GALNTL6: variants seen among roughly 807,000 people sequenced by gnomAD.
GALNTL6 encodes the protein polypeptide N-acetylgalactosaminyltransferase like 6.
A neutral mutation model predicts 73.7 loss-of-function variants in GALNTL6; 46 were observed. That is an observed-to-expected ratio of 0.62 (90% CI 0.49 to 0.80). GALNTL6 has a LOEUF of 0.80. Among genes scored for constraint, GALNTL6 ranks in the 30% least tolerant of loss-of-function variants. GALNTL6 has a pLI of 0.00. For synonymous variants in GALNTL6, 259 were observed against 263.7 expected (o/e 0.98, Z 0.17); for missense variants, 604 against 755.0 (o/e 0.80, Z 2.34).
chr4:172,591,412 G>A (rs999088532), intron 5 of GALNTL6, among the ~76,000 whole-genome samples: 20 of 105,558 alleles, frequency 1.9e-4, no homozygotes, highest in African/African-American at 2.9e-4. Flanking sequence ...CTTTTGAAAC[G>A]CATAATTAGT....
chr4:172,243,031 C>A (rs1398305138), intron 3 of GALNTL6, among the ~76,000 whole-genome samples: 2 of 152,072 alleles, frequency 1.3e-5, no homozygotes, highest in Non-Finnish European at 1.5e-5. Flanking sequence ...ATAAATCCAA[C>A]TTTATTCCAC....
intron 5 of GALNTL6, among the ~76,000 whole-genome samples, chr4:172,550,807 T>C (rs1044756612): frequency 2.0e-5 from 3 of 152,174 alleles, no homozygotes; most frequent in Non-Finnish European, 4.4e-5. Flanking sequence ...TTTAACTTTA[T>C]TCAAGTATCA....
At chr4:172,700,633 C>T (rs1003793580) in intron 5 of GALNTL6, among the ~76,000 whole-genome samples, 2 of 152,098 alleles carry the variant, frequency 1.3e-5, no homozygotes, top group African/African-American at 4.8e-5. Flanking sequence ...ACAGGTGACC[C>T]ATCCCAAAGG....
At chr4:171,977,341 T>G (rs1416643937) in intron 2 of GALNTL6, among the ~76,000 whole-genome samples, 2 of 152,176 alleles carry the variant, frequency 1.3e-5, no homozygotes, top group Non-Finnish European at 2.9e-5. Flanking sequence ...AGTATATTAG[T>G]TTTCTAGGAC....
At chr4:172,239,796 G>A (rs1005647684) in intron 3 of GALNTL6, among the ~76,000 whole-genome samples, 12 of 152,146 alleles carry the variant, frequency 7.9e-5, no homozygotes, top group African/African-American at 2.9e-4. Context: ...TGATAAGAAT[G>A]TGTATTTTTC....
chr4:172,219,134 T>A (rs1736589489), intron 2 of GALNTL6, among the ~76,000 whole-genome samples: 1 of 144,470 alleles, frequency 6.9e-6, no homozygotes, highest in Non-Finnish European at 1.5e-5. Context: ...AAAAGCCAAA[T>A]TAAAATGGAT....
rs1479344614 is a variant in GALNTL6 at position 171,898,894 on chromosome 4, CT to C, written c.138+84177del. Among the ~76,000 whole-genome samples, 3 of 151,768 alleles carry C rather than the reference CT, an allele frequency of 2.0e-5. No individual in the cohort carries two copies. In the East Asian group the frequency reaches 5.8e-4, roughly 29 times the overall value. ...AAAATAAACTATGGGGAACAATAAGCTATTTGCATGAGCATAGTCTTGGTAT... is the reference window on the plus strand; with the variant it reads ...AAAATAAACTATGGGGAACAATAAGCATTTGCATGAGCATAGTCTTGGTAT... On this transcript the variant is annotated intron_variant, in intron 2 of 12. Coordinates refer to ENST00000506823, the MANE Select transcript of GALNTL6 (RefSeq NM_001034845.3).
intron 2 of GALNTL6, chr4:172,052,382 A>G: frequency 7.9e-7 from 1 of 1,271,326 alleles, no homozygotes; most frequent in East Asian, 2.5e-5. Context: ...GCACACCTTC[A>G]CATCCTTCAT....
intron 7 of GALNTL6, among the ~76,000 whole-genome samples, chr4:172,839,800 T>A (rs1302041097): frequency 6.6e-6 from 1 of 152,212 alleles, no homozygotes; most frequent in African/African-American, 2.4e-5. Context: ...AGAGAAAAAT[T>A]ATCTTTTCCT....
chr4:172,496,839 T>C (rs191627797), intron 5 of GALNTL6, among the ~76,000 whole-genome samples: 18 of 152,304 alleles, frequency 1.2e-4, no homozygotes, highest in Admixed American at 9.8e-4. Flanking sequence ...TTTGGGAAAA[T>C]AACTTATTTG....
At chr4:172,903,055 A>G (rs1746709228) in intron 8 of GALNTL6, among the ~76,000 whole-genome samples, 1 of 152,126 alleles carries the variant, frequency 6.6e-6, no homozygotes. Context: ...CAATAGCCTT[A>G]CCTTGTCTAA....
intron 5 of GALNTL6, among the ~76,000 whole-genome samples, chr4:172,550,276 G>T: frequency 6.6e-6 from 1 of 152,120 alleles, no homozygotes; most frequent in East Asian, 1.9e-4. Context: ...TACTCCCATT[G>T]ATAGTGTGAG....
At chr4:172,684,054 C>A (rs1358138750) in intron 5 of GALNTL6, among the ~76,000 whole-genome samples, 1 of 152,186 alleles carries the variant, frequency 6.6e-6, no homozygotes, top group African/African-American at 2.4e-5. Flanking sequence ...GGATAGATCG[C>A]TGTCCATTCC....
intron 10 of GALNTL6, among the ~76,000 whole-genome samples, chr4:172,985,894 T>C (rs770304004): frequency 9.2e-5 from 14 of 152,248 alleles, no homozygotes; most frequent in Non-Finnish European, 1.5e-4. Context: ...GGCCTCTGGC[T>C]GCGTGACTCC....
intron 4 of GALNTL6, among the ~76,000 whole-genome samples, chr4:172,325,282 T>G (rs564514656): frequency 6.6e-5 from 10 of 151,962 alleles, no homozygotes; most frequent in African/African-American, 2.4e-4. Flanking sequence ...TGTCACAAAA[T>G]GAAGCAGAAA....
intron 8 of GALNTL6, among the ~76,000 whole-genome samples, chr4:172,924,613 G>C (rs1279967610): frequency 6.6e-6 from 1 of 152,120 alleles, no homozygotes; most frequent in African/African-American, 2.4e-5. Flanking sequence ...AAGAGGAGAA[G>C]GTGGGAGAAT....
chr4:173,016,682 G>A (rs573507651), intron 11 of GALNTL6, among the ~76,000 whole-genome samples: 87 of 152,294 alleles, frequency 5.7e-4, no homozygotes, highest in African/African-American at 1.9e-3. Context: ...GCTCATAGGC[G>A]GAGGGTACTT....
intron 2 of GALNTL6, among the ~76,000 whole-genome samples, chr4:172,069,783 GA>G (rs146140397): frequency 0.054 from 5,588 of 104,280 alleles, 1,686 homozygotes; most frequent in African/African-American, 0.14. Context: ...CATAATAGTT[GA>G]AAATGTACTC....
chr4:172,946,609 GT>G (rs1749178899), intron 9 of GALNTL6, among the ~76,000 whole-genome samples: 1 of 152,166 alleles, frequency 6.6e-6, no homozygotes, highest in Admixed American at 6.6e-5. Context: ...AAGATTTAGT[GT>G]TGGATAGCAC....
Sources: allele counts gnomAD v4.1 joint callset (sites outside exome capture counted in the v4.1 genomes callset), GRCh38; gene constraint gnomAD v4.1.1; transcripts MANE v1.5; gene names NCBI Gene and HGNC (gene_info 2026-07-23, HGNC 2026-07-21).